The following VPS51 variants were observed in gnomAD, a reference collection of about 807,000 sequenced individuals.
VPS51 encodes VPS51 subunit of GARP complex, also known as vacuolar protein sorting-associated protein 51 homolog.
A neutral mutation model predicts 65.1 loss-of-function variants in VPS51; 55 were observed. That is an observed-to-expected ratio of 0.84 (90% confidence interval 0.68 to 1.06). The LOEUF is 1.06. Among genes scored for constraint, VPS51 ranks in the 50% least tolerant of loss-of-function variants. The pLI, the probability that VPS51 is intolerant of heterozygous loss-of-function variation, is 0.00. For synonymous variants in VPS51, 473 were observed against 489.5 expected, an observed-to-expected ratio of 0.97 and a Z score of 0.44; for missense variants, 943 against 1,101.6, an observed-to-expected ratio of 0.86 and a Z score of 2.04.
intron 9 of VPS51, 180 bp from the exon 10 acceptor site, chr11:65,111,147 C>A: frequency 1.1e-6 from 1 of 950,196 alleles, no homozygotes; most frequent in Non-Finnish European, 1.6e-6. Flanking sequence ...CCCTACCTGT[C>A]CCCTGCCCTC....
chr11:65,110,369 T>G, intron 7 of VPS51, 113 bp from the exon 8 acceptor site: 2 of 1,567,194 alleles, frequency 1.3e-6, no homozygotes, highest in South Asian at 2.3e-5. Context: ...CCGCGGTGAT[T>G]ACCCTGTGAT....
chr11:65,101,282 G>A (rs1193635075), intron 2 of VPS51, among the ~76,000 whole-genome samples: 1 of 152,178 alleles, frequency 6.6e-6, no homozygotes, highest in African/African-American at 2.4e-5. Flanking sequence ...AAGAAAACCA[G>A]GCATTGAGCC....
Position 65,111,752 on chromosome 11 carries a change from G to T in VPS51, c.*165G>T. On this transcript the variant is annotated 3_prime_UTR_variant, in exon 10 of 10. Coordinates refer to ENST00000279281, the MANE Select transcript of VPS51 (RefSeq NM_013265.4). ...GCCTTTCCGGGGGCGGGGTTTTGAA[G>T]CTGAGGCTTCTGAGGCGCCCGCGTC... 1 of 1,277,346 alleles carries T rather than the reference G, an allele frequency of 7.8e-7. No homozygotes were observed. The highest frequency in any genetic ancestry group is 1.0e-6 in the Non-Finnish European group (1 of 955,334). 79.1% of individuals were successfully genotyped at this position (1,277,346 alleles called of 1,614,324 possible).
In VPS51 at chr11:65,109,896, G is replaced by A; in HGVS notation, c.1851G>A (p.Val617=). Residue 617 remains valine, a synonymous_variant, in exon 7 of 10, where the codon GTG becomes GTA. Coordinates refer to ENST00000279281, the MANE Select transcript of VPS51 (RefSeq NM_013265.4). ...RNVRAVMKRV[V]EDTTAIDVQV... ...TGCGGGCCGTCATGAAGCGGGTGGT[G>A]GAGGATACCACCGCCATCGACGTGC... 1.2e-6 allele frequency: 2 copies of A among 1,608,232 alleles called. No homozygotes were observed. Among genetic ancestry groups the A allele is most frequent in the Non-Finnish European group, 1.7e-6 (2 of 1,178,776 alleles).
chr11:65,109,103 C>T (rs1947868508), intron 5 of VPS51, 177 bp from the exon 6 acceptor site: 1 of 1,003,880 alleles, frequency 1.0e-6, no homozygotes, highest in Non-Finnish European at 1.5e-6. Flanking sequence ...ATGGTGGGGT[C>T]CCCAGTGTTG....
rs1161909772 is a variant in VPS51 at position 65,107,295 on chromosome 11, T to A, written c.359-286T>A. The A allele has an allele frequency of 7.0e-6, 4 of 574,506 alleles. No homozygotes were observed. The highest frequency in any genetic ancestry group is 1.3e-5 in the Non-Finnish European group (4 of 303,986). The allele number at this position is 574,506 out of a possible 1,614,324, so 35.6% of individuals were successfully genotyped here. The stretch of plus-strand genomic sequence containing the variant: ...CAGTGGTGGCAGCTGGCTAAGCACC[T>A]GCGGCCTGCTTCGGATCTGGACTAA... On this transcript the variant is annotated intron_variant, in intron 2 of 9. Coordinates refer to ENST00000279281, the MANE Select transcript of VPS51 (RefSeq NM_013265.4). The surrounding 1 kb of genome is among the most constrained non-coding windows in gnomAD (Gnocchi z 4.0).
intron 1 of VPS51, 27 bp downstream of exon 1, chr11:65,096,505 T>TGGGGGGGGGGG: frequency 8.1e-6 from 3 of 371,840 alleles, no homozygotes; most frequent in Non-Finnish European, 9.2e-6. Context: ...AGTGGGGGGG[T>TGGGGGGGGGGG]GCGGGGAGGG....
chr11:65,096,604 G>A (rs1947771658), intron 1 of VPS51, 126 bp downstream of exon 1: 2 of 870,152 alleles, frequency 2.3e-6, no homozygotes, highest in Non-Finnish European at 3.4e-6. Flanking sequence ...GTTCATAAGA[G>A]GACGAACCTC....
At chr11:65,097,265 T>C (rs923808990) in intron 2 of VPS51, 138 bp downstream of exon 2, 86 of 1,321,846 alleles carry the variant, frequency 6.5e-5, no homozygotes, top group Admixed American at 1.5e-4. Context: ...TCTCACCTCC[T>C]TTCCTTTGAG....
intron 2 of VPS51, among the ~76,000 whole-genome samples, chr11:65,103,201 A>C (rs1415601072): frequency 6.6e-6 from 1 of 152,204 alleles, no homozygotes; most frequent in Non-Finnish European, 1.5e-5. Context: ...CTGGGATTAT[A>C]AGTGTGCATC....
chr11:65,096,219 C>T lies in VPS51; in HGVS notation c.-32C>T, dbSNP rs1174174002. 6.6e-7 allele frequency: 1 copy of T among 1,519,538 alleles called. No individual in the cohort carries two copies. The allele number at this position is 1,519,538 out of a possible 1,614,324, so 94.1% of individuals were successfully genotyped here. A position where few individuals can be genotyped will look rare whatever the true frequency, so the allele number is the denominator to read the frequency against. ...GCCTCCTCCCCGTCCCCTTCCTTTC[C>T]AGCCTCACGCCCGTGGGCTGCAGTT... On this transcript the variant is annotated 5_prime_UTR_variant, in exon 1 of 10. Coordinates refer to ENST00000279281, the MANE Select transcript of VPS51 (RefSeq NM_013265.4).
chr11:65,098,104 C>G (rs1947782922), intron 2 of VPS51, among the ~76,000 whole-genome samples: 3 of 152,100 alleles, frequency 2.0e-5, no homozygotes, highest in Admixed American at 2.0e-4. Flanking sequence ...TCACTTGAAC[C>G]TGGGAGGTGG....
Position 65,108,216 on chromosome 11 carries a change from C to G in VPS51, c.745C>G (p.Pro249Ala), listed in dbSNP as rs1397416441. ...GTGCAGGGAGGGCGGCTCAGGCGCC[C>G]CGGAGCAGGCAGAGTGCGTGGAGCT... ...QRFREGGSGA[P>A]EQAECVELLL... Residue 249 changes from proline (P) to alanine (A), a missense_variant, in exon 5 of 10, where the codon CCG becomes GCG. Physicochemically the swap from Pro to Ala is conservative, Grantham distance 27. Around this residue, in one of 2 missense-constraint regions of VPS51, gnomAD observed 855 missense variants for 953.7 expected, o/e 0.90. Transcript: ENST00000279281. The G allele has an allele frequency of 6.3e-7, 1 of 1,599,592 alleles. No individual in the cohort carries two copies. The highest frequency in any genetic ancestry group is 2.3e-5 in the East Asian group (1 of 44,340).
At chr11:65,111,118 G>A (rs1565318633) in intron 9 of VPS51, 1 of 808,908 alleles carries the variant, frequency 1.2e-6, no homozygotes, top group Non-Finnish European at 2.1e-6. Flanking sequence ...CAAGCTCAGG[G>A]ATGCCTCTGA....
chr11:65,099,393 A>G (rs1947793116), intron 2 of VPS51, among the ~76,000 whole-genome samples: 1 of 152,062 alleles, frequency 6.6e-6, no homozygotes, highest in Non-Finnish European at 1.5e-5. Flanking sequence ...TTAACTAGAA[A>G]CCTTCCAGAA....
At position 65,111,725 on chromosome 11, in the gene VPS51, G is replaced by T; in HGVS notation, c.*138G>T. The T allele has an allele frequency of 7.4e-7, 1 of 1,356,700 alleles. No individual in the cohort carries two copies. Among genetic ancestry groups the T allele is most frequent in the Admixed American group, 2.8e-5 (1 of 35,384 alleles). 84.0% of individuals were successfully genotyped at this position (1,356,700 alleles called of 1,614,324 possible). A position where few individuals can be genotyped will look rare whatever the true frequency, so the allele number is the denominator to read the frequency against. On this transcript the variant is annotated 3_prime_UTR_variant, in exon 10 of 10. Transcript: ENST00000279281. ...GGCCTCCTCCTCTCGCTTGCTGGGC[G>T]GGCCTTTCCGGGGGCGGGGTTTTGA... is the stretch of plus-strand genomic sequence containing the variant.
intron 4 of VPS51, 68 bp downstream of exon 4, chr11:65,108,090 G>C: frequency 6.7e-7 from 1 of 1,501,406 alleles, no homozygotes; most frequent in Non-Finnish European, 8.8e-7. Flanking sequence ...CCGGCTCCTG[G>C]GCCCTCCTGG....
At chr11:65,103,867 T>C (rs944653781) in intron 2 of VPS51, among the ~76,000 whole-genome samples, 1 of 152,182 alleles carries the variant, frequency 6.6e-6, no homozygotes, top group Non-Finnish European at 1.5e-5. Flanking sequence ...GTATCTCTTA[T>C]TGTTTATAGT....
intron 7 of VPS51, 116 bp downstream of exon 7, chr11:65,110,039 G>C: frequency 8.7e-7 from 1 of 1,144,536 alleles, no homozygotes; most frequent in Non-Finnish European, 1.2e-6. Context: ...GGGGACATGT[G>C]TATCTGGGCT....
Sources: gnomAD v4.1 joint callset for allele counts (sites outside exome capture counted in the v4.1 genomes callset) on GRCh38, gnomAD v4.1.1 for gene constraint, gnomAD v4.1.1 regional missense constraint, Gnocchi (gnomAD v3.1) non-coding constraint, MANE v1.5 for transcripts, NCBI Gene and HGNC (gene_info 2026-07-23, HGNC 2026-07-21) for gene names.